The following ADGRB3 variants were observed in gnomAD, a reference collection of about 807,000 sequenced individuals.
ADGRB3 encodes adhesion G protein-coupled receptor B3.
In ADGRB3, 37 loss-of-function variants were observed where a neutral mutation model predicts 193.4. The ratio of observed to expected loss-of-function variants is 0.19; its 90% confidence interval spans 0.15 to 0.25. The LOEUF is 0.25. Ranked by LOEUF, ADGRB3 falls within the 10% of genes least tolerant of loss-of-function variation. The pLI is 1.00. For synonymous variants in ADGRB3, 690 were observed against 644.2 expected (o/e 1.07, Z -1.08); for missense variants, 1,637 against 1,852.9 (o/e 0.88, Z 2.14).
At chr6:69,234,778 A>T (rs1451378493) in intron 18 of ADGRB3, among the ~76,000 whole-genome samples, 1 of 152,100 alleles carries the variant, frequency 6.6e-6, no homozygotes, top group Non-Finnish European at 1.5e-5. Flanking sequence ...AGTTATAAGG[A>T]TGTAATATTC....
chr6:69,276,641 G>A (rs11962594), intron 20 of ADGRB3, among the ~76,000 whole-genome samples: 15,186 of 152,122 alleles, frequency 0.1, 837 homozygotes, highest in African/African-American at 0.11. Flanking sequence ...GTCTTCATCA[G>A]CCACCAGTGG....
chr6:68,924,937 G>A (rs1042250076), intron 3 of ADGRB3, among the ~76,000 whole-genome samples: 2 of 151,138 alleles, frequency 1.3e-5, no homozygotes, highest in African/African-American at 4.9e-5. Context: ...TTATATAACT[G>A]TCATTATTGA....
In ADGRB3 at chr6:69,355,835, G is replaced by T. The variant is rs752385439; in HGVS notation, c.3570G>T (p.Lys1190Asn). The T allele has an allele frequency of 6.2e-7, 1 of 1,608,230 alleles. No individual in the cohort carries two copies. The highest frequency in any genetic ancestry group is 2.2e-5 in the East Asian group (1 of 44,752). ...TATTGTTACAGACAGACTTTGAAAAGGATGTAGACATTGCCTGTCGATCAG... is the reference window on the plus strand; with the variant it reads ...TATTGTTACAGACAGACTTTGAAAATGATGTAGACATTGCCTGTCGATCAG... ...GHAQIMTDFE[K>N]DVDIACRSVL... Residue 1190 changes from lysine to asparagine, a missense_variant, in exon 28 of 32, where the codon AAG becomes AAT. Transcript: ENST00000370598.
rs1277413497 is a variant in ADGRB3 at position 69,210,137 on chromosome 6, A to G, written c.2481-23153A>G. Reference sequence around the variant, plus strand: ...ACACACACACTCATATATATCATATATTAATATATATCATATATATATATA... The same window carrying G: ...ACACACACACTCATATATATCATATGTTAATATATATCATATATATATATA... On this transcript the variant is annotated intron_variant, in intron 17 of 31. Transcript: ENST00000370598. Among the ~76,000 whole-genome samples the G allele has an allele frequency of 5.8e-5, 7 of 121,328 alleles. No individual in the cohort carries two copies. The East Asian group carries it at 1.4e-3, about 24-fold the overall frequency. 79.6% of individuals were successfully genotyped at this position (121,328 alleles called of 152,430 possible).
intron 17 of ADGRB3, among the ~76,000 whole-genome samples, chr6:69,082,855 A>T (rs963930680): frequency 2.6e-5 from 4 of 152,158 alleles, no homozygotes; most frequent in African/African-American, 9.6e-5. Context: ...TTAACAAACT[A>T]TTGGTGAGAA....
At chr6:69,347,006 C>T (rs1023056350) in intron 26 of ADGRB3, among the ~76,000 whole-genome samples, 21 of 152,310 alleles carry the variant, frequency 1.4e-4, no homozygotes, top group African/African-American at 4.1e-4. Flanking sequence ...GGCACATACA[C>T]ACCATGGAAT....
At chr6:69,246,122 A>T (rs1389899885) in intron 20 of ADGRB3, among the ~76,000 whole-genome samples, 1 of 152,106 alleles carries the variant, frequency 6.6e-6, no homozygotes, top group Non-Finnish European at 1.5e-5. Flanking sequence ...GGAAATGCTG[A>T]AAACTAGCAA....
rs1769311502 is a variant in ADGRB3 at position 68,993,911 on chromosome 6, G to A, written c.1878G>A (p.Val626=). The A allele has an allele frequency of 1.9e-6, 3 of 1,613,746 alleles. No individual in the cohort carries two copies. The highest frequency in any genetic ancestry group is 2.5e-6 in the Non-Finnish European group (3 of 1,179,838). The change falls in exon 11 of 32, where the codon GTG becomes GTA. Residue 626 remains valine (V), a synonymous_variant. Transcript: ENST00000370598. ...TGTCTGTGGAGATCCTGAGAAATGT[G>A]ACAGACACATTTAAAAGGGCAAGTT... ...LLMSVEILRN[V]TDTFKRASYI... is the part of the protein sequence containing the mutation.
intron 17 of ADGRB3, among the ~76,000 whole-genome samples, chr6:69,215,191 G>A (rs1048664460): frequency 7.2e-5 from 11 of 152,136 alleles, no homozygotes; most frequent in Non-Finnish European, 1.6e-4. Context: ...TTAGAGATAC[G>A]ATTGGATTTT....
At position 69,295,538 on chromosome 6, in the gene ADGRB3, A is replaced by AG. The variant is rs545485829; in HGVS notation, c.2815-29331dup. Among the ~76,000 whole-genome samples, 121 of 152,270 alleles carry AG rather than the reference A, an allele frequency of 7.9e-4. 1 individual carries two copies. In the Middle Eastern group the frequency reaches 0.024, roughly 30 times the overall value. On this transcript the variant is annotated intron_variant, in intron 20 of 31. Coordinates refer to ENST00000370598, the MANE Select transcript of ADGRB3 (RefSeq NM_001704.3). ...TGGAAAGCACAGAGAGCCTCCTCCA[A>AG]GGGCTGAGAAGAAGGTCATACTATC... is the stretch of plus-strand genomic sequence containing the variant.
At chr6:69,321,694 T>G (rs1768460190) in intron 20 of ADGRB3, among the ~76,000 whole-genome samples, 2 of 151,754 alleles carry the variant, frequency 1.3e-5, no homozygotes, top group African/African-American at 4.8e-5. Context: ...ACCTGAACAC[T>G]AGAAAGGCCA....
intron 29 of ADGRB3, among the ~76,000 whole-genome samples, chr6:69,364,666 A>G (rs1482409920): frequency 2.0e-5 from 3 of 152,070 alleles, no homozygotes; most frequent in Non-Finnish European, 4.4e-5. Flanking sequence ...CTATTATGGA[A>G]CAATTGCAAT....
chr6:68,975,535 T>A (rs2150265896), intron 10 of ADGRB3, among the ~76,000 whole-genome samples, 195 bp downstream of exon 10: 1 of 152,294 alleles, frequency 6.6e-6, no homozygotes, highest in Middle Eastern at 3.4e-3. Flanking sequence ...GGACTTGGGT[T>A]TTTATGGATC....
intron 20 of ADGRB3, among the ~76,000 whole-genome samples, chr6:69,256,429 A>G (rs947899865): frequency 6.6e-6 from 1 of 152,106 alleles, no homozygotes; most frequent in Admixed American, 6.6e-5. Context: ...GTCCCTTGTA[A>G]GGTGGATTCC....
chr6:69,233,217 C>T, intron 17 of ADGRB3, 73 bp from the exon 18 acceptor site: 3 of 1,565,752 alleles, frequency 1.9e-6, no homozygotes, highest in Non-Finnish European at 2.6e-6. Context: ...AATTAAACTG[C>T]ATTTTCTTCT....
chr6:69,347,461 G>A (rs929019067), intron 26 of ADGRB3, among the ~76,000 whole-genome samples: 1 of 151,976 alleles, frequency 6.6e-6, no homozygotes, highest in African/African-American at 2.4e-5. Flanking sequence ...AGATTTTTTT[G>A]TTGTTTCATT....
At chr6:68,845,763 C>T (rs952289791) in intron 3 of ADGRB3, among the ~76,000 whole-genome samples, 3 of 152,116 alleles carry the variant, frequency 2.0e-5, no homozygotes, top group Admixed American at 6.5e-5. Context: ...AATTAAACTT[C>T]TTTTTGTTCC....
chr6:68,930,779 T>G, intron 4 of ADGRB3, 110 bp downstream of exon 4: 1 of 860,228 alleles, frequency 1.2e-6, no homozygotes, highest in Non-Finnish European at 1.7e-6. Flanking sequence ...CTGATATTTT[T>G]TCGAGCCATT....
chr6:69,290,629 A>G (rs145942544), intron 20 of ADGRB3, among the ~76,000 whole-genome samples: 13 of 152,214 alleles, frequency 8.5e-5, no homozygotes, highest in Non-Finnish European at 1.5e-5. Flanking sequence ...ATACTCATAT[A>G]ATTCTATCAC....
Sources: gnomAD v4.1 joint callset for allele counts (sites outside exome capture counted in the v4.1 genomes callset) on GRCh38, gnomAD v4.1.1 for gene constraint, MANE v1.5 for transcripts, NCBI Gene and HGNC (gene_info 2026-07-23, HGNC 2026-07-21) for gene names.